Variants in MUSK observed in about 807,000 individuals in gnomAD.
MUSK encodes the protein muscle, skeletal receptor tyrosine-protein kinase.
A neutral mutation model predicts 88.7 loss-of-function variants in MUSK; 55 were observed. The ratio of observed to expected loss-of-function variants is 0.62; its 90% CI spans 0.50 to 0.78. MUSK has a LOEUF of 0.78. MUSK is among the 30% of genes least tolerant of loss of function. MUSK has a pLI of 0.00. For synonymous variants in MUSK, 387 were observed against 391.9 expected (o/e 0.99, Z 0.15); for missense variants, 1,015 against 1,074.3 (o/e 0.94, Z 0.77).
At position 110,775,536 on chromosome 9, in the gene MUSK, C is replaced by T. The variant is rs915638059; in HGVS notation, c.1185-252C>T. 6.2e-6 allele frequency: 3 copies of T among 480,660 alleles called. No homozygotes were observed. In the East Asian group the frequency reaches 1.2e-4, roughly 19 times the overall value. 29.8% of individuals were successfully genotyped at this position (480,660 alleles called of 1,614,324 possible). A position where few individuals can be genotyped will look rare whatever the true frequency, so the allele number is the denominator to read the frequency against. ...CCAATCTAATACGTTTTAAATTTGA[C>T]GTTTTTTTCCCTTAGACTAGCATTA... On this transcript the variant is annotated intron_variant, in intron 9 of 14. Transcript: ENST00000374448.
At chr9:110,690,197 AAT>A (rs1161221725) in intron 3 of MUSK, among the ~76,000 whole-genome samples, 1,198 of 19,816 alleles carry the variant, frequency 0.06, no homozygotes, top group Middle Eastern at 0.12. Flanking sequence ...AGTATATATA[AAT>A]ATATATAAAT....
In MUSK at chr9:110,800,404, T is replaced by G; in HGVS notation, c.2026T>G (p.Cys676Gly). 6.2e-7 allele frequency: 1 copy of G among 1,613,918 alleles called. No individual in the cohort carries two copies. The highest frequency in any genetic ancestry group is 8.5e-7 in the Non-Finnish European group (1 of 1,179,866). Residue 676 changes from cysteine to glycine, a missense_variant, in exon 15 of 15, where the codon TGC becomes GGC. Transcript: ENST00000374448. ...CCGCAGCATGTCCCCTCACACCGTG[T>G]GCAGCCTCAGTCACAGTGACTTGTC... ...FLRSMSPHTV[C>G]SLSHSDLSMR... is the part of the protein sequence containing the mutation.
chr9:110,712,184 TGGGTTGGGGAGAA>T (rs2076681089), intron 5 of MUSK, among the ~76,000 whole-genome samples: 1 of 150,852 alleles, frequency 6.6e-6, no homozygotes, highest in Non-Finnish European at 1.5e-5. Context: ...AATCAGTGCC[TGGGTTGGGGAGAA>T]GGGTCTCTGC....
chr9:110,684,330 T>G (rs7048556), intron 2 of MUSK, among the ~76,000 whole-genome samples: 106,124 of 151,878 alleles, frequency 0.7, 38,499 homozygotes, highest in African/African-American at 0.87. Context: ...TCTCTGTTTT[T>G]TCCCATTGGT....
intron 5 of MUSK, among the ~76,000 whole-genome samples, chr9:110,711,017 C>T (rs1271189356): frequency 6.6e-6 from 1 of 152,020 alleles, no homozygotes; most frequent in Non-Finnish European, 1.5e-5. Flanking sequence ...CCAAACACCG[C>T]ATGTTCTCAC....
intron 3 of MUSK, among the ~76,000 whole-genome samples, chr9:110,690,449 T>TG (rs202103847): frequency 3.6e-5 from 2 of 55,686 alleles, no homozygotes; most frequent in African/African-American, 1.2e-4. Flanking sequence ...TAAGTATATA[T>TG]AAATATATAT....
chr9:110,693,102 T>A (rs946790078), intron 3 of MUSK, among the ~76,000 whole-genome samples: 5 of 152,168 alleles, frequency 3.3e-5, no homozygotes, highest in African/African-American at 1.2e-4. Flanking sequence ...AATAAGGAAG[T>A]TGGAATGCTC....
At chr9:110,764,196 G>A (rs2077440925) in intron 8 of MUSK, among the ~76,000 whole-genome samples, 3 of 152,156 alleles carry the variant, frequency 2.0e-5, no homozygotes, top group South Asian at 4.1e-4. Flanking sequence ...TCTGTCCCAC[G>A]GTTCTAATGA....
chr9:110,776,761 C>T (rs556860098), intron 11 of MUSK, 106 bp downstream of exon 11: 43 of 994,830 alleles, frequency 4.3e-5, no homozygotes, highest in Admixed American at 4.0e-4. Flanking sequence ...AATGTACAGC[C>T]GCTCTCAAAG....
rs1184744541 is a variant in MUSK at position 110,785,631 on chromosome 9, A to G, written c.1691A>G (p.Lys564Arg). The G allele has an allele frequency of 1.9e-6, 3 of 1,613,392 alleles. No individual in the cohort carries two copies. Among genetic ancestry groups the G allele is most frequent in the Non-Finnish European group, 2.5e-6 (3 of 1,179,620 alleles). ...AGGATGCCGCTCCTTCTGAACCCCA[A>G]ATTGCTCAGCCTGGAGTATCCAAGG... is the stretch of plus-strand genomic sequence containing the variant. ...YQRMPLLLNP[K>R]LLSLEYPRNN... is the part of the protein sequence containing the mutation. The change falls in exon 13 of 15, where the codon AAA becomes AGA. Residue 564 changes from lysine (K) to arginine (R), a missense_variant. Transcript: ENST00000374448.
intron 5 of MUSK, among the ~76,000 whole-genome samples, chr9:110,711,216 A>T (rs530937949): frequency 2.6e-4 from 40 of 152,308 alleles, no homozygotes; most frequent in Middle Eastern, 3.4e-3. Context: ...ACAAACCTGC[A>T]CGTTGTGCAC....
chr9:110,684,008 T>C (rs915891630), intron 2 of MUSK, among the ~76,000 whole-genome samples: 1 of 152,106 alleles, frequency 6.6e-6, no homozygotes, highest in East Asian at 1.9e-4. Context: ...TGTCCATTTT[T>C]GTTTTGGTTG....
At chr9:110,671,460 A>T (rs1362764873) in intron 1 of MUSK, among the ~76,000 whole-genome samples, 1 of 152,224 alleles carries the variant, frequency 6.6e-6, no homozygotes, top group Non-Finnish European at 1.5e-5. Flanking sequence ...ATAAATTGAC[A>T]TATTTAAAAT....
At chr9:110,756,650 T>C (rs776128189) in intron 7 of MUSK, among the ~76,000 whole-genome samples, 3 of 152,170 alleles carry the variant, frequency 2.0e-5, no homozygotes, top group Non-Finnish European at 2.9e-5. Context: ...CCATTTACAT[T>C]GTATCATTCA....
intron 5 of MUSK, among the ~76,000 whole-genome samples, chr9:110,721,537 G>A (rs566884734): frequency 5.9e-5 from 9 of 152,148 alleles, no homozygotes; most frequent in Non-Finnish European, 1.0e-4. Flanking sequence ...TCTAACCAAG[G>A]AGGTGAAAGA....
Position 110,726,046 on chromosome 9 carries a change from T to C in MUSK, c.629-8205T>C, listed in dbSNP as rs115781999. On this transcript the variant is annotated intron_variant, in intron 5 of 14. Transcript: ENST00000374448. Reference sequence around the variant, plus strand: ...AGGCCTATAGACTTTTCTTGCATAATTTTCTCTAATTTAAAGTAACCTCAA... The same window carrying C: ...AGGCCTATAGACTTTTCTTGCATAACTTTCTCTAATTTAAAGTAACCTCAA... Among the ~76,000 whole-genome samples, 141 of 152,104 alleles carry C rather than the reference T, an allele frequency of 9.3e-4. 1 individual carries two copies. Among genetic ancestry groups the C allele is most frequent in the African/African-American group, 3.2e-3 (133 of 41,544 alleles).
intron 5 of MUSK, among the ~76,000 whole-genome samples, chr9:110,729,292 C>G (rs1361289917): frequency 1.0e-5 from 1 of 98,352 alleles, no homozygotes; most frequent in African/African-American, 3.2e-5. Context: ...TACTTTTTCC[C>G]CAACAGTTTT....
intron 1 of MUSK, among the ~76,000 whole-genome samples, chr9:110,681,432 G>T: frequency 6.6e-6 from 1 of 151,348 alleles, no homozygotes; most frequent in East Asian, 1.9e-4. Flanking sequence ...CATGATCCCT[G>T]ACCTAAAGCT....
chr9:110,728,265 T>C lies in MUSK; in HGVS notation c.629-5986T>C, dbSNP rs192170976. ...TAGAAATGATAGCTGAGATCCCAGA[T>C]TGAACACCACTGACTTCACAGCAGG... On this transcript the variant is annotated intron_variant, in intron 5 of 14. Transcript: ENST00000374448. The C allele has an allele frequency of 2.5e-4, 42 of 166,206 alleles. 1 individual carries two copies. Among genetic ancestry groups the C allele is most frequent in the South Asian group, 6.7e-4 (4 of 5,982 alleles). The allele number at this position is 166,206 out of a possible 1,614,324, so 10.3% of individuals were successfully genotyped here. A position where few individuals can be genotyped will look rare whatever the true frequency, so the allele number is the denominator to read the frequency against.
Sources: gnomAD v4.1 joint callset for allele counts (sites outside exome capture counted in the v4.1 genomes callset) on GRCh38, gnomAD v4.1.1 for gene constraint, MANE v1.5 for transcripts, NCBI Gene and HGNC (gene_info 2026-07-23, HGNC 2026-07-21) for gene names.